Variants in PLEKHG1 observed in about 807,000 individuals in gnomAD.
PLEKHG1 encodes the protein pleckstrin homology and RhoGEF domain containing G1.
In PLEKHG1, 44 loss-of-function variants were observed where a neutral mutation model predicts 100.8. The observed-to-expected ratio is 0.44, with a 90% confidence interval of 0.34 to 0.56. PLEKHG1 has a LOEUF of 0.56. PLEKHG1 is among the 20% of genes least tolerant of loss of function. PLEKHG1 has a pLI of 0.01. For missense variants in PLEKHG1, 1,545 were observed against 1,720.9 expected (o/e 0.90, Z 1.81); for synonymous variants, 640 against 662.5 (o/e 0.97, Z 0.52).
intron 4 of PLEKHG1, among the ~76,000 whole-genome samples, chr6:150,794,785 G>T (rs996306594): frequency 9.2e-5 from 14 of 152,004 alleles, no homozygotes; most frequent in African/African-American, 3.4e-4. Flanking sequence ...GCAGAGACGA[G>T]GAGTTAATGA....
chr6:150,724,006 C>A (rs368347631), intron 1 of PLEKHG1, among the ~76,000 whole-genome samples: 1 of 152,220 alleles, frequency 6.6e-6, no homozygotes, highest in Non-Finnish European at 1.5e-5. Context: ...TGTATCACTG[C>A]GGTCTCATCA....
chr6:150,681,534 C>G (rs542854186), intron 3 of PLEKHG1, among the ~76,000 whole-genome samples: 1 of 151,500 alleles, frequency 6.6e-6, no homozygotes, highest in Non-Finnish European at 1.5e-5. Flanking sequence ...AATAGTAGAT[C>G]GTCTTTTTTT....
intron 6 of PLEKHG1, among the ~76,000 whole-genome samples, 156 bp downstream of exon 7, chr6:150,801,025 G>C (rs1398859963): frequency 1.3e-5 from 2 of 152,198 alleles, no homozygotes; most frequent in African/African-American, 2.4e-5. Context: ...AGGATTTGGA[G>C]ATATTTATAT....
intron 3 of PLEKHG1, among the ~76,000 whole-genome samples, chr6:150,784,587 A>C (rs1289762660): frequency 6.6e-6 from 1 of 152,232 alleles, no homozygotes; most frequent in African/African-American, 2.4e-5. Flanking sequence ...GGCTATCATT[A>C]GGATGGTGTT....
intron 1 of PLEKHG1, among the ~76,000 whole-genome samples, chr6:150,634,249 CCA>C (rs1562397830): frequency 9.2e-6 from 1 of 108,884 alleles, no homozygotes; most frequent in Non-Finnish European, 1.9e-5. Context: ...GATCTCCCCC[CCA>C]AAAAAAAAAA....
chr6:150,658,464 A>C (rs1187423135), intron 3 of PLEKHG1, among the ~76,000 whole-genome samples: 1 of 152,214 alleles, frequency 6.6e-6, no homozygotes, highest in Non-Finnish European at 1.5e-5. Flanking sequence ...TAGTCATTCA[A>C]AGATAAACGG....
At chr6:150,728,888 C>T (rs950890882) in intron 1 of PLEKHG1, among the ~76,000 whole-genome samples, 2 of 152,000 alleles carry the variant, frequency 1.3e-5, no homozygotes, top group African/African-American at 4.8e-5. Flanking sequence ...AAGAGCAAAA[C>T]TCTGTCTCAA....
chr6:150,734,142 G>C (rs1782443898), intron 2 of PLEKHG1, 50 bp downstream of exon 3: 2 of 1,548,486 alleles, frequency 1.3e-6, no homozygotes, highest in Non-Finnish European at 1.7e-6. Flanking sequence ...AAATATGCTT[G>C]CAAAAGAAAT....
At chr6:150,632,399 C>T (rs890938964) in intron 1 of PLEKHG1, among the ~76,000 whole-genome samples, 6 of 152,210 alleles carry the variant, frequency 3.9e-5, no homozygotes, top group African/African-American at 1.4e-4. Context: ...TTATCATCGG[C>T]CTTGGCCAAC....
chr6:150,674,682 T>TCCCC (rs71544395), intron 3 of PLEKHG1, among the ~76,000 whole-genome samples: 21 of 104,226 alleles, frequency 2.0e-4, no homozygotes, highest in Non-Finnish European at 3.6e-4. Context: ...TCTCTCTCTC[T>TCCCC]CCCCCCTCTT....
At position 150,655,707 on chromosome 6, in the gene PLEKHG1, C is replaced by CAA. The variant is rs775753925; in HGVS notation, c.-99+4943_-99+4944dup. Among the ~76,000 whole-genome samples the CAA allele has an allele frequency of 7.4e-3, 276 of 37,182 alleles. 1 individual carries two copies. The highest frequency in any genetic ancestry group is 8.6e-3 in the Non-Finnish European group (154 of 17,900). 24.4% of individuals were successfully genotyped at this position (37,182 alleles called of 152,430 possible). ...TGGGTGACAGAGTGAGACTCCATCT[C>CAA]AAAAAAAAAAAAAAAAAAAAAAAGA... On this transcript the variant is annotated intron_variant, in intron 3 of 3. Transcript: ENST00000367326.
At chr6:150,631,616 A>G (rs1254451551) in intron 1 of PLEKHG1, among the ~76,000 whole-genome samples, 1 of 152,242 alleles carries the variant, frequency 6.6e-6, no homozygotes, top group African/African-American at 2.4e-5. Context: ...ACTTGCAGTA[A>G]GACTTGTAGG....
At chr6:150,778,122 GT>G (rs1246897504) in intron 3 of PLEKHG1, among the ~76,000 whole-genome samples, 2 of 152,124 alleles carry the variant, frequency 1.3e-5, no homozygotes, top group Non-Finnish European at 2.9e-5. Context: ...TTCTATCCTG[GT>G]TTGCAATTCC....
intron 1 of PLEKHG1, among the ~76,000 whole-genome samples, chr6:150,637,638 G>T (rs1371572826): frequency 6.6e-6 from 1 of 152,084 alleles, no homozygotes; most frequent in Non-Finnish European, 1.5e-5. Flanking sequence ...TAGCCAATAA[G>T]TCTGATGTTA....
intron 5 of PLEKHG1, among the ~76,000 whole-genome samples, chr6:150,796,198 C>T (rs1786323115): frequency 6.6e-6 from 1 of 152,184 alleles, no homozygotes; most frequent in African/African-American, 2.4e-5. Flanking sequence ...CATCAGGCCG[C>T]AAGTCTTGCC....
intron 3 of PLEKHG1, among the ~76,000 whole-genome samples, chr6:150,774,440 TA>T (rs1334999343): frequency 1.3e-5 from 2 of 151,858 alleles, no homozygotes; most frequent in East Asian, 3.9e-4. Context: ...TAAATATTAA[TA>T]GGGGACCTGA....
intron 4 of PLEKHG1, among the ~76,000 whole-genome samples, chr6:150,793,174 C>G (rs913831225): frequency 6.6e-6 from 1 of 152,138 alleles, no homozygotes; most frequent in African/African-American, 2.4e-5. Flanking sequence ...GAGGCTGAGG[C>G]AGGGGGATCA....
intron 3 of PLEKHG1, among the ~76,000 whole-genome samples, chr6:150,785,951 G>A (rs146272096): frequency 1.7e-4 from 26 of 152,144 alleles, no homozygotes; most frequent in Admixed American, 4.6e-4. Flanking sequence ...CCAGTCTGTG[G>A]AAAAGTTGTC....
At chr6:150,819,374 G>C (rs1776171263) in intron 11 of PLEKHG1, among the ~76,000 whole-genome samples, 1 of 151,960 alleles carries the variant, frequency 6.6e-6, no homozygotes, top group South Asian at 2.1e-4. Flanking sequence ...AGACCAGCCT[G>C]GCCAACATGT....
Sources: allele counts gnomAD v4.1 joint callset (sites outside exome capture counted in the v4.1 genomes callset), GRCh38; gene constraint gnomAD v4.1.1; transcripts MANE v1.5; gene names NCBI Gene and HGNC (gene_info 2026-07-23, HGNC 2026-07-21).